PHF19: variants seen among roughly 807,000 people sequenced by gnomAD.
The protein encoded by PHF19 is polycomb like 3.
A neutral mutation model predicts 79.8 loss-of-function variants in PHF19; 21 were observed. That is an observed-to-expected ratio of 0.26 (90% CI 0.19 to 0.38). The LOEUF is 0.38. PHF19 is among the 10% of genes least tolerant of loss of function. The pLI is 1.00. For missense variants in PHF19, 445 were observed against 744.2 expected (o/e 0.60, Z 4.68); for synonymous variants, 273 against 296.3 (o/e 0.92, Z 0.81).
intron 6 of PHF19, 46 bp from the exon 7 acceptor site, chr9:120,867,011 T>C (rs2045723696): frequency 2.6e-6 from 3 of 1,149,730 alleles, no homozygotes; most frequent in Non-Finnish European, 4.0e-6. Context: ...ACACCCCCAG[T>C]CAGGTATGAG....
In PHF19 at chr9:120,866,053, A is replaced by C. The variant is rs752656192; in HGVS notation, c.754T>G (p.Tyr252Asp). 6.2e-7 allele frequency: 1 copy of C among 1,613,816 alleles called. No homozygotes were observed. Among genetic ancestry groups the C allele is most frequent in the Non-Finnish European group, 8.5e-7 (1 of 1,179,868 alleles). The change falls in exon 8 of 15, where the codon TAC becomes GAC. Residue 252 changes from tyrosine (Y) to aspartate (D), a missense_variant. By Grantham distance (160) the Tyr-to-Asp change is radical. This residue lies in a region of PHF19 where 167 missense variants were observed against 375.8 expected (regional missense o/e 0.44). Transcript: ENST00000373896. This position sits in a 1 kb window ranked among gnomAD's most constrained non-coding sequence, Gnocchi z 5.2. The stretch of plus-strand genomic sequence containing the variant: ...CATCGCAGGGGCAGCCTCTCGATGT[A>C]CTCTGGGCCCTGGTTACACACGGAG... ...FCSVCNQGPE[Y>D]IERLPLRWVD...
chr9:120,867,097 G>A (rs1026491272), intron 6 of PHF19, 132 bp from the exon 7 acceptor site: 10 of 640,190 alleles, frequency 1.6e-5, no homozygotes, highest in Middle Eastern at 2.6e-4. Flanking sequence ...TGAGCACTTA[G>A]GCTGTGCCAA....
chr9:120,879,064 C>CT (rs1554821084), upstream of PHF19, among the ~76,000 whole-genome samples: 1 of 105,332 alleles, frequency 9.5e-6, no homozygotes, highest in Non-Finnish European at 2.0e-5. Flanking sequence ...TTCTTTCTTT[C>CT]TTTTTTTTTT....
At chr9:120,880,244 C>T (rs2046159365), upstream of PHF19, among the ~76,000 whole-genome samples, 1 of 152,224 alleles carries the variant, frequency 6.6e-6, no homozygotes, top group African/African-American at 2.4e-5. Context: ...CCTGTAATCC[C>T]AGCACTTTGG....
intron 3 of PHF19, among the ~76,000 whole-genome samples, chr9:120,871,157 C>T (rs963306484): frequency 6.6e-6 from 1 of 152,210 alleles, no homozygotes; most frequent in Non-Finnish European, 1.5e-5. Flanking sequence ...CCTGCCTTGG[C>T]CTCTCAAAGT....
At chr9:120,880,709 C>T (rs1211725195), upstream of PHF19, among the ~76,000 whole-genome samples, 1 of 152,190 alleles carries the variant, frequency 6.6e-6, no homozygotes, top group Non-Finnish European at 1.5e-5. Context: ...GTCTGTATTC[C>T]AGCGCTTTGG....
intron 8 of PHF19, 25 bp from the exon 9 acceptor site, chr9:120,865,855 G>C (rs755913914): frequency 2.1e-5 from 34 of 1,613,836 alleles, no homozygotes; most frequent in Non-Finnish European, 1.2e-5. Flanking sequence ...AAGGAGGTGG[G>C]ACCAGGTGAG....
chr9:120,872,960 T>G (rs915914801), intron 3 of PHF19, among the ~76,000 whole-genome samples: 1 of 152,158 alleles, frequency 6.6e-6, no homozygotes, highest in Admixed American at 6.5e-5. Context: ...CTAAAACCAA[T>G]AGTACTGAGC....
intron 3 of PHF19, among the ~76,000 whole-genome samples, chr9:120,873,007 C>T (rs2045949675): frequency 6.6e-6 from 1 of 152,160 alleles, no homozygotes; most frequent in Admixed American, 6.5e-5. Context: ...CTAAGCCTCC[C>T]AACCACCCTA....
Position 120,866,973 on chromosome 9 carries a change from G to C in PHF19, c.615-8C>G. ...AGCATCCGCAGGTACCATCTGGAGA[G>C]ACAGAGGAGCCAAGGTCAGCCAGGA... is the stretch of plus-strand genomic sequence containing the variant. On this transcript the variant is annotated splice_region_variant and splice_polypyrimidine_tract_variant and intron_variant, in intron 6 of 14. Coordinates refer to ENST00000373896, the MANE Select transcript of PHF19 (RefSeq NM_015651.3). This position sits in a 1 kb window ranked among gnomAD's most constrained non-coding sequence, Gnocchi z 5.2. The C allele has an allele frequency of 6.3e-7, 1 of 1,579,192 alleles. No individual in the cohort carries two copies.
At chr9:120,901,053 G>A in the PHF19 span, among the ~76,000 whole-genome samples, 1 of 152,236 alleles carries the variant, frequency 6.6e-6, no homozygotes, top group African/African-American at 2.4e-5. Context: ...TGCCAGGCTG[G>A]CATCAGTAGG....
exon 1 of PHF19, chr9:120,894,852 T>A: frequency 3.3e-6 from 4 of 1,218,054 alleles, no homozygotes; most frequent in Non-Finnish European, 4.1e-6. Flanking sequence ...GTAGGAGGCA[T>A]CCGGAGGCTT....
intron 6 of PHF19, among the ~76,000 whole-genome samples, chr9:120,868,049 T>C (rs768022601): frequency 1.1e-4 from 16 of 149,702 alleles, no homozygotes; most frequent in African/African-American, 3.4e-4. Flanking sequence ...CCCTGCCTGA[T>C]TGCACATCTC....
chr9:120,888,903 T>C (rs1042016554), intron 1 of PHF19, among the ~76,000 whole-genome samples: 2 of 152,208 alleles, frequency 1.3e-5, no homozygotes, highest in African/African-American at 2.4e-5. Context: ...TGGCTAGTGT[T>C]GCATTTTCCA....
At chr9:120,878,646 T>C (rs1219492039), upstream of PHF19, among the ~76,000 whole-genome samples, 2 of 152,072 alleles carry the variant, frequency 1.3e-5, no homozygotes, top group African/African-American at 4.8e-5. Flanking sequence ...TCCTTTCACC[T>C]CCTTCCTCAC....
chr9:120,867,673 A>G (rs1259617997), intron 6 of PHF19, among the ~76,000 whole-genome samples: 1 of 152,244 alleles, frequency 6.6e-6, no homozygotes, highest in Non-Finnish European at 1.5e-5. Context: ...AAAGGTTTCC[A>G]TAAGCATTTC....
chr9:120,859,231 CTTTTTTTTTTTT>C (rs59695692), intron 14 of PHF19, among the ~76,000 whole-genome samples: 1 of 104,996 alleles, frequency 9.5e-6, no homozygotes, highest in African/African-American at 3.3e-5. Flanking sequence ...TACCATTGTC[CTTTTTTTTTTTT>C]TTTTTTTTTG....
rs2045550215 is a variant in PHF19, at chr9:120,862,186, G to A, written c.1131-181C>T. 6.6e-6 allele frequency among the ~76,000 whole-genome samples: 1 copy of A among 152,194 alleles called. No homozygotes were observed. The highest frequency in any genetic ancestry group is 1.5e-5 in the Non-Finnish European group (1 of 68,012). On this transcript the variant is annotated intron_variant, in intron 11 of 14. Coordinates refer to ENST00000373896, the MANE Select transcript of PHF19 (RefSeq NM_015651.3). This position sits in a 1 kb window ranked among gnomAD's most constrained non-coding sequence, Gnocchi z 4.6. ...GAGTCCTCAGGAGCAGTAGGGGTGG[G>A]AAGGTGTGGAGAAGGTATAGTGGGC...
chr9:120,899,491 G>A (rs7023254), upstream of PHF19, among the ~76,000 whole-genome samples: 8,646 of 146,442 alleles, frequency 0.059, 738 homozygotes, highest in African/African-American at 0.19. Context: ...GCAAGACTCC[G>A]TCTCAAAAAA....
Sources: gnomAD v4.1 joint callset for allele counts (sites outside exome capture counted in the v4.1 genomes callset) on GRCh38, gnomAD v4.1.1 for gene constraint, gnomAD v4.1.1 regional missense constraint, Gnocchi (gnomAD v3.1) non-coding constraint, MANE v1.5 for transcripts, NCBI Gene and HGNC (gene_info 2026-07-23, HGNC 2026-07-21) for gene names.